Variants in CDH10 observed in about 807,000 individuals in gnomAD.
CDH10 encodes the protein cadherin-10.
Under a neutral mutation model 73.1 loss-of-function variants are expected in CDH10, and 30 were observed. The observed-to-expected ratio is 0.41, with a 90% CI of 0.31 to 0.56. CDH10 has a LOEUF of 0.56. CDH10 is among the 20% of genes least tolerant of loss of function. The pLI is 0.27. For synonymous variants in CDH10, 345 were observed against 348.2 expected, an observed-to-expected ratio of 0.99 and a Z score of 0.10; for missense variants, 815 against 973.7, an observed-to-expected ratio of 0.84 and a Z score of 2.17.
chr5:24,498,236 AT>A (rs2111681218), intron 9 of CDH10, among the ~76,000 whole-genome samples, 161 bp downstream of exon 9: 1 of 152,272 alleles, frequency 6.6e-6, no homozygotes, highest in South Asian at 2.1e-4. Context: ...TTTTAAAAAT[AT>A]TTTCACCTTT....
At chr5:24,611,815 C>T (rs571045826) in intron 1 of CDH10, 4 of 152,184 alleles carry the variant, frequency 2.6e-5, no homozygotes, top group Non-Finnish European at 2.9e-5. Context: ...CTATTGCCTT[C>T]TCAGCTTGCA....
chr5:24,542,779 T>C (rs1744203981), intron 2 of CDH10, among the ~76,000 whole-genome samples: 1 of 152,134 alleles, frequency 6.6e-6, no homozygotes. Context: ...AGATGATACC[T>C]TCTGGCTGTG....
intron 3 of CDH10, among the ~76,000 whole-genome samples, 175 bp from the exon 4 acceptor site, chr5:24,535,997 A>G (rs1743940197): frequency 6.6e-6 from 1 of 152,130 alleles, no homozygotes; most frequent in African/African-American, 2.4e-5. Context: ...GTAAACTCTG[A>G]GTTCAAATAC....
intron 3 of CDH10, 37 bp from the exon 4 acceptor site, chr5:24,535,859 C>A (rs745582411): frequency 1.3e-6 from 2 of 1,493,134 alleles, no homozygotes; most frequent in Non-Finnish European, 1.8e-6. Context: ...CTGCACAGTA[C>A]CAGAAGGAGG....
At chr5:24,557,781 G>C (rs2111976633) in intron 2 of CDH10, among the ~76,000 whole-genome samples, 1 of 151,836 alleles carries the variant, frequency 6.6e-6, no homozygotes, top group Admixed American at 6.6e-5. Context: ...AATCCTCCCT[G>C]CTGAATCTAA....
chr5:24,516,977 T>A (rs567357575), intron 5 of CDH10, among the ~76,000 whole-genome samples: 1 of 152,232 alleles, frequency 6.6e-6, no homozygotes, highest in African/African-American at 2.4e-5. Flanking sequence ...GAAATAAATC[T>A]AATTATGTAT....
chr5:24,549,200 T>C (rs1744454132), intron 2 of CDH10, among the ~76,000 whole-genome samples: 1 of 152,124 alleles, frequency 6.6e-6, no homozygotes, highest in South Asian at 2.1e-4. Context: ...ATAAGGTCAC[T>C]GAATGCTCGT....
rs1357507334 is a variant in CDH10, at chr5:24,516,665, C to T, written c.815-5151G>A. Among the ~76,000 whole-genome samples, 3 of 151,430 alleles carry T rather than the reference C, an allele frequency of 2.0e-5. No homozygotes were observed. In the East Asian group the frequency reaches 5.9e-4, roughly 30 times the overall value. Reference sequence around the variant, plus strand: ...GGTTATTTATTGTTTTCTGCAAATCCTTCTAGATTCAGCCATTGGATGATT... The same window carrying T: ...GGTTATTTATTGTTTTCTGCAAATCTTTCTAGATTCAGCCATTGGATGATT... On this transcript the variant is annotated intron_variant, in intron 5 of 11. Transcript: ENST00000264463.
chr5:24,535,065 T>TA, intron 5 of CDH10, 47 bp downstream of exon 5: 1 of 1,473,022 alleles, frequency 6.8e-7, no homozygotes, highest in South Asian at 1.3e-5. Flanking sequence ...TGTCTTTTTT[T>TA]ACTCTAAATC....
chr5:24,556,056 T>C (rs1744758033), intron 2 of CDH10, among the ~76,000 whole-genome samples: 1 of 152,148 alleles, frequency 6.6e-6, no homozygotes, highest in Non-Finnish European at 1.5e-5. Flanking sequence ...AGCCAATCAA[T>C]ATAACTTATT....
chr5:24,602,480 T>C (rs553106516), intron 1 of CDH10, among the ~76,000 whole-genome samples: 2 of 152,200 alleles, frequency 1.3e-5, no homozygotes, highest in African/African-American at 4.8e-5. Flanking sequence ...ATACCTTTTG[T>C]GTATACCCGC....
At chr5:24,607,859 G>A (rs963872341) in intron 1 of CDH10, among the ~76,000 whole-genome samples, 3 of 152,060 alleles carry the variant, frequency 2.0e-5, no homozygotes, top group Non-Finnish European at 2.9e-5. Flanking sequence ...ATATAAATAG[G>A]AGAGATTATC....
chr5:24,632,599 T>A (rs1023699482), intron 1 of CDH10, among the ~76,000 whole-genome samples: 4 of 152,040 alleles, frequency 2.6e-5, no homozygotes, highest in African/African-American at 9.7e-5. Context: ...TCTGACCACT[T>A]GTTCTATATT....
At position 24,580,971 on chromosome 5, in the gene CDH10, T is replaced by G. The variant is rs113373852; in HGVS notation, c.231+12289A>C. Among the ~76,000 whole-genome samples, 679 of 152,338 alleles carry G rather than the reference T, an allele frequency of 4.5e-3. 11 individuals are homozygous for G. Among genetic ancestry groups the G allele is most frequent in the African/African-American group, 0.015 (635 of 41,578 alleles). ...ACTCTTGACAGAGACCCATGAGTTA[T>G]GTTGGGATCATTCATGTAATCCAGG... On this transcript the variant is annotated intron_variant, in intron 2 of 11. Transcript: ENST00000264463.
intron 5 of CDH10, among the ~76,000 whole-genome samples, chr5:24,517,949 C>T (rs1240897434): frequency 9.2e-5 from 14 of 152,240 alleles, no homozygotes; most frequent in Admixed American, 7.2e-4. Context: ...CCACCCTTGA[C>T]AACATTTTAG....
intron 2 of CDH10, among the ~76,000 whole-genome samples, chr5:24,578,989 C>T (rs1745695881): frequency 6.6e-6 from 1 of 151,788 alleles, no homozygotes; most frequent in African/African-American, 2.4e-5. Context: ...GTTATAATTA[C>T]CAATATTGAC....
intron 2 of CDH10, among the ~76,000 whole-genome samples, chr5:24,556,385 T>C (rs1436562890): frequency 6.6e-6 from 1 of 152,098 alleles, no homozygotes; most frequent in Non-Finnish European, 1.5e-5. Context: ...AAATGAATTG[T>C]AGTCTCTAAT....
At chr5:24,636,011 T>C (rs1450523126) in intron 1 of CDH10, among the ~76,000 whole-genome samples, 3 of 151,832 alleles carry the variant, frequency 2.0e-5, no homozygotes, top group Non-Finnish European at 4.4e-5. Flanking sequence ...TTTAAAGTTG[T>C]AGCCCTAATG....
chr5:24,559,260 C>G (rs1222826969), intron 2 of CDH10, among the ~76,000 whole-genome samples: 1 of 151,898 alleles, frequency 6.6e-6, no homozygotes, highest in Non-Finnish European at 1.5e-5. Flanking sequence ...CTGTTTTAGT[C>G]AAGTTGTATC....
Sources: gnomAD v4.1 joint callset for allele counts (sites outside exome capture counted in the v4.1 genomes callset) on GRCh38, gnomAD v4.1.1 for gene constraint, MANE v1.5 for transcripts, NCBI Gene and HGNC (gene_info 2026-07-23, HGNC 2026-07-21) for gene names.